Variants in TBC1D19 observed in about 807,000 individuals in gnomAD.
TBC1D19 encodes the protein TBC1 domain family member 19.
TBC1D19 carries 60 observed loss-of-function variants against 89.0 expected under a neutral mutation model. The observed-to-expected ratio is 0.67, with a 90% CI of 0.55 to 0.84. TBC1D19 has a LOEUF of 0.84. TBC1D19 is among the 40% of genes least tolerant of loss of function. The pLI is 0.00. For missense variants in TBC1D19, 500 were observed against 610.8 expected (o/e 0.82, Z 1.91); for synonymous variants, 189 against 199.7 (o/e 0.95, Z 0.45).
chr4:26,855,927 A>T, the TBC1D19 span, among the ~76,000 whole-genome samples: 1 of 152,250 alleles, frequency 6.6e-6, no homozygotes, highest in Non-Finnish European at 1.5e-5. Context: ...ATTGTAGAAC[A>T]ATTCAACTGA....
the TBC1D19 span, among the ~76,000 whole-genome samples, chr4:26,808,661 G>A: frequency 2.6e-5 from 4 of 150,960 alleles, no homozygotes; most frequent in African/African-American, 7.3e-5. Flanking sequence ...CCCGGGAGGT[G>A]GAGGTTGCAG....
At chr4:26,673,673 G>A in intron 10 of TBC1D19, 103 bp from the exon 11 acceptor site, 2 of 774,100 alleles carry the variant, frequency 2.6e-6, no homozygotes, top group Non-Finnish European at 4.5e-6. Context: ...ATGTTAGATA[G>A]AAAGACTGAA....
chr4:26,664,764 C>A (rs1711647290), intron 8 of TBC1D19, among the ~76,000 whole-genome samples: 2 of 152,022 alleles, frequency 1.3e-5, no homozygotes, highest in South Asian at 2.1e-4. Flanking sequence ...TGTCCCTCCC[C>A]CTGTGCTCTC....
the TBC1D19 span, among the ~76,000 whole-genome samples, chr4:26,780,943 C>T: frequency 6.6e-6 from 1 of 152,168 alleles, no homozygotes; most frequent in African/African-American, 2.4e-5. Context: ...TACACAGGCC[C>T]TCCGGCAGCC....
At chr4:26,814,893 G>A in the TBC1D19 span, among the ~76,000 whole-genome samples, 6 of 151,980 alleles carry the variant, frequency 3.9e-5, no homozygotes, top group East Asian at 1.9e-4. Context: ...GTCGTGGCAC[G>A]CGCCTGTTGT....
At chr4:26,598,344 T>C (rs750136076) in intron 1 of TBC1D19, among the ~76,000 whole-genome samples, 16 of 152,234 alleles carry the variant, frequency 1.1e-4, no homozygotes, top group Non-Finnish European at 1.6e-4. Flanking sequence ...TTAATATTTC[T>C]GCAGCAAAAT....
chr4:26,808,139 C>T, the TBC1D19 span, among the ~76,000 whole-genome samples: 1 of 152,186 alleles, frequency 6.6e-6, no homozygotes, highest in African/African-American at 2.4e-5. Flanking sequence ...CCTCTGAGTG[C>T]ATTTATGCTT....
chr4:26,823,948 G>GCCTGA, the TBC1D19 span, among the ~76,000 whole-genome samples: 1 of 152,224 alleles, frequency 6.6e-6, no homozygotes, highest in Non-Finnish European at 1.5e-5. Context: ...CGGGCTGACT[G>GCCTGA]CCTGACCGCT....
intron 7 of TBC1D19, among the ~76,000 whole-genome samples, chr4:26,659,089 G>A (rs1178252209): frequency 6.6e-6 from 1 of 152,124 alleles, no homozygotes; most frequent in Non-Finnish European, 1.5e-5. Context: ...TCTCTTGCCT[G>A]ATTGCCCTGG....
intron 13 of TBC1D19, among the ~76,000 whole-genome samples, chr4:26,695,406 G>T (rs1414100695): frequency 2.0e-5 from 3 of 152,210 alleles, no homozygotes; most frequent in Non-Finnish European, 2.9e-5. Context: ...AAGTGATGGG[G>T]AGAATGGATC....
At chr4:26,602,428 T>C (rs912939971) in intron 1 of TBC1D19, among the ~76,000 whole-genome samples, 5 of 147,124 alleles carry the variant, frequency 3.4e-5, no homozygotes, top group East Asian at 4.0e-4. Context: ...CCAAACCCTA[T>C]TGTATTCTTT....
chr4:26,778,332 C>T, the TBC1D19 span, among the ~76,000 whole-genome samples: 4 of 151,600 alleles, frequency 2.6e-5, no homozygotes, highest in African/African-American at 4.9e-5. Context: ...AGGAGAATGG[C>T]GTGAATCTGG....
the TBC1D19 span, among the ~76,000 whole-genome samples, chr4:26,789,515 A>C: frequency 1.3e-5 from 2 of 152,252 alleles, no homozygotes; most frequent in Admixed American, 6.5e-5. Flanking sequence ...ATATCATCTT[A>C]CACCAGTCAG....
chr4:26,660,692 C>G (rs1457554620), intron 8 of TBC1D19, among the ~76,000 whole-genome samples: 1 of 152,110 alleles, frequency 6.6e-6, no homozygotes, highest in African/African-American at 2.4e-5. Context: ...TAACACTCAC[C>G]TCAGTAGTCC....
the TBC1D19 span, among the ~76,000 whole-genome samples, chr4:26,817,077 A>C: frequency 6.6e-6 from 1 of 152,332 alleles, no homozygotes; most frequent in South Asian, 2.1e-4. Context: ...TCACCGGCTG[A>C]TGCTTATGCT....
intron 13 of TBC1D19, among the ~76,000 whole-genome samples, chr4:26,711,819 C>G (rs1560490511): frequency 6.6e-6 from 1 of 151,972 alleles, no homozygotes; most frequent in Non-Finnish European, 1.5e-5. Flanking sequence ...CATACAGATA[C>G]AAAAATTAGA....
At chr4:26,633,275 C>A (rs1242984399) in intron 4 of TBC1D19, among the ~76,000 whole-genome samples, 1 of 152,196 alleles carries the variant, frequency 6.6e-6, no homozygotes, top group Non-Finnish European at 1.5e-5. Flanking sequence ...ATATAATGAG[C>A]CTTAAAGGTC....
chr4:26,773,805 G>A, the TBC1D19 span, among the ~76,000 whole-genome samples: 1 of 152,128 alleles, frequency 6.6e-6, no homozygotes, highest in Non-Finnish European at 1.5e-5. Flanking sequence ...TGAGTTCTCT[G>A]TTCTGTTCCA....
intron 7 of TBC1D19, among the ~76,000 whole-genome samples, chr4:26,658,726 G>A (rs1475350403): frequency 1.3e-5 from 2 of 152,164 alleles, no homozygotes; most frequent in Non-Finnish European, 2.9e-5. Context: ...AGCATGGAAT[G>A]TTTTTCCATT....
Sources: allele counts gnomAD v4.1 joint callset (sites outside exome capture counted in the v4.1 genomes callset), GRCh38; gene constraint gnomAD v4.1.1; transcripts MANE v1.5; gene names NCBI Gene and HGNC (gene_info 2026-07-23, HGNC 2026-07-21).